CNTN5: variants seen among roughly 807,000 people sequenced by gnomAD.
The protein encoded by CNTN5 is contactin-5.
Under a neutral mutation model 129.1 loss-of-function variants are expected in CNTN5, and 77 were observed. The ratio of observed to expected loss-of-function variants is 0.60; its 90% CI spans 0.50 to 0.72. The LOEUF is 0.72. CNTN5 is among the 30% of genes least tolerant of loss of function. The pLI is 0.00. For synonymous variants in CNTN5, 509 were observed against 465.6 expected (o/e 1.09, Z -1.20); for missense variants, 1,478 against 1,328.8 (o/e 1.11, Z -1.75).
At chr11:100,237,750 T>A (rs895768743) in intron 16 of CNTN5, among the ~76,000 whole-genome samples, 3 of 152,232 alleles carry the variant, frequency 2.0e-5, no homozygotes, top group Non-Finnish European at 4.4e-5. Flanking sequence ...TCTTTCATTT[T>A]ACAAAACTAA....
chr11:99,105,631 T>C (rs1236405459), intron 1 of CNTN5, among the ~76,000 whole-genome samples: 2 of 152,170 alleles, frequency 1.3e-5, no homozygotes, highest in Non-Finnish European at 2.9e-5. Flanking sequence ...GACAAGAGCA[T>C]CATTTTGCTG....
chr11:100,002,173 T>A, intron 9 of CNTN5, 37 bp downstream of exon 9: 1 of 1,306,272 alleles, frequency 7.7e-7, no homozygotes. Context: ...ACACAATTTT[T>A]TATTAAAATG....
intron 13 of CNTN5, among the ~76,000 whole-genome samples, chr11:100,160,454 A>G (rs966405275): frequency 6.6e-6 from 1 of 151,892 alleles, no homozygotes; most frequent in South Asian, 2.1e-4. Flanking sequence ...GATTGCTCGG[A>G]CAAATCACAA....
intron 2 of CNTN5, among the ~76,000 whole-genome samples, chr11:99,475,643 T>A (rs1349929320): frequency 6.6e-6 from 1 of 152,140 alleles, no homozygotes; most frequent in African/African-American, 2.4e-5. Flanking sequence ...TTGTCTTTTT[T>A]AAGCCTGTAA....
intron 3 of CNTN5, among the ~76,000 whole-genome samples, chr11:99,719,934 A>G (rs1591528618): frequency 6.6e-6 from 1 of 152,134 alleles, no homozygotes; most frequent in African/African-American, 2.4e-5. Flanking sequence ...CCTAGAAGAT[A>G]TTGATAAATT....
intron 3 of CNTN5, among the ~76,000 whole-genome samples, chr11:99,812,234 T>C (rs188764673): frequency 5.6e-4 from 86 of 152,280 alleles, no homozygotes; most frequent in African/African-American, 2.1e-3. Flanking sequence ...AAAACTTTTC[T>C]TTTAGAATTT....
chr11:99,704,520 G>A (rs1954668948), intron 3 of CNTN5, among the ~76,000 whole-genome samples: 1 of 150,982 alleles, frequency 6.6e-6, no homozygotes, highest in African/African-American at 2.4e-5. Flanking sequence ...TACTAGAAAT[G>A]TTTTGTCCTT....
chr11:99,857,694 C>A (rs1948082132), intron 6 of CNTN5, among the ~76,000 whole-genome samples: 1 of 151,956 alleles, frequency 6.6e-6, no homozygotes, highest in Non-Finnish European at 1.5e-5. Context: ...ATGTCTGAAG[C>A]AAACTAAGAT....
At chr11:99,745,836 TAA>T (rs1565484721) in intron 3 of CNTN5, among the ~76,000 whole-genome samples, 2 of 152,120 alleles carry the variant, frequency 1.3e-5, no homozygotes, top group African/African-American at 4.8e-5. Context: ...AAGGCACTTA[TAA>T]ATAGTAAGGA....
intron 6 of CNTN5, among the ~76,000 whole-genome samples, chr11:99,857,865 A>G (rs78668655): frequency 0.049 from 7,405 of 152,192 alleles, 229 homozygotes; most frequent in Middle Eastern, 0.11. Flanking sequence ...AAAGTTTCCT[A>G]TCCGTTTCAT....
chr11:99,641,895 G>A (rs648646), intron 3 of CNTN5, among the ~76,000 whole-genome samples: 91,469 of 151,950 alleles, frequency 0.6, 28,368 homozygotes, highest in Admixed American at 0.69. Flanking sequence ...ATTTGAGAGC[G>A]TTACTTCTTC....
rs777877926 is a variant in CNTN5, at chr11:100,191,101, A to G, written c.1581-25A>G. The G allele has an allele frequency of 1.9e-6, 3 of 1,558,490 alleles. No individual in the cohort carries two copies. In the Admixed American group the frequency reaches 5.7e-5, roughly 30 times the overall value. On this transcript the variant is annotated intron_variant, in intron 13 of 24. Transcript: ENST00000524871. ...AGCTGATTGCAGTAAAACAGAAAAA[A>G]AAACTGTTTTTAAATAATTTTCAGA...
chr11:99,543,072 C>T (rs1001802193), intron 2 of CNTN5, among the ~76,000 whole-genome samples: 2 of 152,124 alleles, frequency 1.3e-5, no homozygotes, highest in Non-Finnish European at 2.9e-5. Context: ...ATAATCTGTG[C>T]TCTGTTATAT....
chr11:99,290,472 G>A (rs1391335701), intron 1 of CNTN5, among the ~76,000 whole-genome samples: 1 of 151,796 alleles, frequency 6.6e-6, no homozygotes, highest in African/African-American at 2.4e-5. Flanking sequence ...ATTTTCTGTG[G>A]GCAGCCTCAT....
At chr11:99,311,930 C>T (rs1221540709) in intron 1 of CNTN5, among the ~76,000 whole-genome samples, 2 of 152,082 alleles carry the variant, frequency 1.3e-5, no homozygotes, top group Non-Finnish European at 2.9e-5. Flanking sequence ...TATAACTTGC[C>T]AAATTCTTTG....
At chr11:99,507,712 A>T (rs917426436) in intron 2 of CNTN5, among the ~76,000 whole-genome samples, 3 of 152,222 alleles carry the variant, frequency 2.0e-5, no homozygotes, top group African/African-American at 7.2e-5. Flanking sequence ...TAAACATTTT[A>T]ACCTCACAAG....
intron 2 of CNTN5, among the ~76,000 whole-genome samples, chr11:99,505,504 G>T (rs1308213749): frequency 1.3e-5 from 2 of 152,274 alleles, no homozygotes; most frequent in East Asian, 3.9e-4. Flanking sequence ...CATAACTTTT[G>T]AATGATTCAC....
intron 18 of CNTN5, among the ~76,000 whole-genome samples, chr11:100,277,420 C>T (rs1950538415): frequency 6.6e-6 from 1 of 152,134 alleles, no homozygotes; most frequent in Non-Finnish European, 1.5e-5. Context: ...TAGTGTTGTA[C>T]TAATTTATGT....
At chr11:99,415,437 G>A (rs964905107) in intron 2 of CNTN5, among the ~76,000 whole-genome samples, 14 of 152,158 alleles carry the variant, frequency 9.2e-5, no homozygotes, top group African/African-American at 3.4e-4. Context: ...TTCTGGGTAT[G>A]GGGCAGGGCC....
Sources: allele counts gnomAD v4.1 joint callset (sites outside exome capture counted in the v4.1 genomes callset), GRCh38; gene constraint gnomAD v4.1.1; transcripts MANE v1.5; gene names NCBI Gene and HGNC (gene_info 2026-07-23, HGNC 2026-07-21).